MYLK4: variants seen among roughly 807,000 people sequenced by gnomAD.
MYLK4 encodes myosin light chain kinase family member 4, also known as caMLCK like.
A neutral mutation model predicts 48.1 loss-of-function variants in MYLK4; 46 were observed. The ratio of observed to expected loss-of-function variants is 0.96; its 90% CI spans 0.75 to 1.22. The LOEUF (loss-of-function observed/expected upper bound fraction) is 1.22. Ranked by LOEUF, MYLK4 falls within the 50% of genes most tolerant of loss-of-function variation. MYLK4 has a pLI of 0.00. For missense variants in MYLK4, 451 were observed against 486.1 expected, an observed-to-expected ratio of 0.93 and a Z score of 0.68; for synonymous variants, 170 against 180.8, an observed-to-expected ratio of 0.94 and a Z score of 0.48.
chr6:2,765,407 G>A, the MYLK4 span: 4 of 434,630 alleles, frequency 9.2e-6, no homozygotes, highest in Non-Finnish European at 1.1e-5. Flanking sequence ...TTCCCGACAC[G>A]CCGCGTGAGG....
intron 2 of MYLK4, among the ~76,000 whole-genome samples, chr6:2,699,038 C>T (rs559509230): frequency 1.3e-5 from 2 of 152,252 alleles, no homozygotes; most frequent in South Asian, 2.1e-4. Flanking sequence ...AAAATAACCC[C>T]GCCAGGAAAA....
the MYLK4 span, among the ~76,000 whole-genome samples, chr6:2,769,310 A>AGGT: frequency 1.3e-5 from 2 of 152,166 alleles, no homozygotes; most frequent in African/African-American, 4.8e-5. Context: ...TCTGTCTTCA[A>AGGT]GGTGAATGTT....
rs1582030495 is a variant in MYLK4, at chr6:2,678,265, T to C, written c.995A>G (p.Glu332Gly). 6.2e-7 allele frequency: 1 copy of C among 1,614,136 alleles called. No homozygotes were observed. The highest frequency in any genetic ancestry group is 2.2e-5 in the East Asian group (1 of 44,888). Residue 332 changes from glutamate to glycine, a missense_variant, in exon 10 of 13, where the codon GAG becomes GGG. Transcript: ENST00000274643. ...LEDEEFQDIS[E>G]EAKEFISKLL... is the part of the protein sequence containing the mutation. ...CTTAGAGATGAACTCCTTGGCCTCC[T>C]CCGAGATGTCCTGAAATTCTTCATC...
the MYLK4 span, among the ~76,000 whole-genome samples, chr6:2,765,192 C>CG: frequency 1.7e-4 from 15 of 86,838 alleles, 2 homozygotes; most frequent in East Asian, 3.3e-3. Flanking sequence ...ACCCCCCCCC[C>CG]CGCCCCTCCC....
At position 2,687,384 on chromosome 6, in the gene MYLK4, T is replaced by C. The variant is rs142407733; in HGVS notation, c.341+1467A>G. ...CCCATAACGAGAGCTGACGGGCAGC[T>C]GGTCTAGACTGCAGTACCAAAGAGA... On this transcript the variant is annotated intron_variant, in intron 4 of 12. Coordinates refer to ENST00000274643, the MANE Select transcript of MYLK4 (RefSeq NM_001012418.5). Among the ~76,000 whole-genome samples, 349 of 152,296 alleles carry C rather than the reference T, an allele frequency of 2.3e-3. 2 individuals carry two copies. Among genetic ancestry groups the C allele is most frequent in the African/African-American group, 8.2e-3 (340 of 41,556 alleles).
At chr6:2,716,808 A>C (rs1263447760) in intron 2 of MYLK4, among the ~76,000 whole-genome samples, 1 of 152,264 alleles carries the variant, frequency 6.6e-6, no homozygotes, top group Non-Finnish European at 1.5e-5. Context: ...TTCCTATCTG[A>C]CAGAGTTTTT....
the MYLK4 span, among the ~76,000 whole-genome samples, chr6:2,758,656 T>G: frequency 6.6e-6 from 1 of 152,172 alleles, no homozygotes; most frequent in African/African-American, 2.4e-5. Flanking sequence ...TTCCTTGCAA[T>G]TTTACCATTT....
chr6:2,678,507 A>C (rs1761172107), intron 9 of MYLK4, 135 bp from the exon 10 acceptor site: 1 of 987,326 alleles, frequency 1.0e-6, no homozygotes, highest in Non-Finnish European at 1.5e-6. Flanking sequence ...ATTTTATAAC[A>C]TATTATTGTA....
chr6:2,764,648 A>G, the MYLK4 span, among the ~76,000 whole-genome samples: 1 of 152,218 alleles, frequency 6.6e-6, no homozygotes, highest in Non-Finnish European at 1.5e-5. Flanking sequence ...CTATCCGTCT[A>G]GGACGTAATT....
At chr6:2,713,089 G>A (rs1235228514) in intron 2 of MYLK4, among the ~76,000 whole-genome samples, 4 of 152,174 alleles carry the variant, frequency 2.6e-5, no homozygotes, top group Non-Finnish European at 5.9e-5. Flanking sequence ...AAGCAACATA[G>A]TCCCGGCATG....
At chr6:2,735,862 T>C (rs1023795553) in intron 2 of MYLK4, among the ~76,000 whole-genome samples, 2 of 152,190 alleles carry the variant, frequency 1.3e-5, no homozygotes. Flanking sequence ...AAATTAAGGT[T>C]TTGGATCATG....
chr6:2,713,395 A>G (rs1022736092), intron 2 of MYLK4, among the ~76,000 whole-genome samples: 2 of 143,640 alleles, frequency 1.4e-5, no homozygotes, highest in African/African-American at 5.1e-5. Flanking sequence ...AAAGAAAAAA[A>G]GAAAAGAAAA....
the MYLK4 span, among the ~76,000 whole-genome samples, chr6:2,763,635 C>T: frequency 6.6e-6 from 1 of 152,240 alleles, no homozygotes; most frequent in African/African-American, 2.4e-5. Context: ...CCCCGGTTCC[C>T]GCCCGCGCCT....
At chr6:2,739,660 C>G (rs1213208484) in intron 2 of MYLK4, among the ~76,000 whole-genome samples, 1 of 152,102 alleles carries the variant, frequency 6.6e-6, no homozygotes, top group Admixed American at 6.5e-5. Context: ...ATACTTTTCC[C>G]CATTAAAAAT....
intron 2 of MYLK4, among the ~76,000 whole-genome samples, chr6:2,715,257 T>C (rs1020166942): frequency 4.4e-5 from 1 of 22,988 alleles, no homozygotes; most frequent in African/African-American, 1.3e-4. Flanking sequence ...CAAGACTCCG[T>C]TTCAAAAAAA....
At chr6:2,729,327 G>A (rs142350681) in intron 2 of MYLK4, among the ~76,000 whole-genome samples, 2 of 152,232 alleles carry the variant, frequency 1.3e-5, no homozygotes, top group Admixed American at 6.5e-5. Flanking sequence ...AGAGAATTCA[G>A]GGACCAGCAA....
intron 2 of MYLK4, among the ~76,000 whole-genome samples, chr6:2,699,660 T>C (rs948619471): frequency 2.0e-5 from 3 of 152,122 alleles, no homozygotes; most frequent in Non-Finnish European, 4.4e-5. Context: ...ATGGTCAAAT[T>C]TACTCCATCA....
the MYLK4 span, among the ~76,000 whole-genome samples, chr6:2,765,204 C>A: frequency 1.6e-5 from 2 of 126,792 alleles, no homozygotes; most frequent in East Asian, 2.6e-4. Context: ...GCCCCTCCCC[C>A]GCCCCCGCAA....
At chr6:2,703,441 T>A (rs1392080069) in intron 2 of MYLK4, among the ~76,000 whole-genome samples, 1 of 152,172 alleles carries the variant, frequency 6.6e-6, no homozygotes, top group Non-Finnish European at 1.5e-5. Flanking sequence ...CTACCAGCAA[T>A]GCCTTTACCT....
Sources: gnomAD v4.1 joint callset for allele counts (sites outside exome capture counted in the v4.1 genomes callset) on GRCh38, gnomAD v4.1.1 for gene constraint, MANE v1.5 for transcripts, NCBI Gene and HGNC (gene_info 2026-07-23, HGNC 2026-07-21) for gene names.